The following LRRIQ1 variants were observed in gnomAD, a reference collection of about 807,000 sequenced individuals.
The protein encoded by LRRIQ1 is leucine rich repeats and IQ motif containing 1, also known as leucine-rich repeat- and IQ domain-containing protein 1.
Under a neutral mutation model 211.9 loss-of-function variants are expected in LRRIQ1, and 210 were observed. The observed-to-expected ratio is 0.99, with a 90% confidence interval of 0.89 to 1.11. The LOEUF (loss-of-function observed/expected upper bound fraction) is 1.11. Among genes scored for constraint, LRRIQ1 ranks in the 50% most tolerant of loss-of-function variants. The pLI is 0.00. For synonymous variants in LRRIQ1, 699 were observed against 650.1 expected, an observed-to-expected ratio of 1.08 and a Z score of -1.14; for missense variants, 2,136 against 1,939.5, an observed-to-expected ratio of 1.10 and a Z score of -1.90.
chr12:85,197,940 T>C (rs1893034281), intron 24 of LRRIQ1, among the ~76,000 whole-genome samples: 1 of 108,480 alleles, frequency 9.2e-6, no homozygotes, highest in Non-Finnish European at 1.8e-5. Context: ...TAATTATATA[T>C]ATTTATATAT....
intron 24 of LRRIQ1, among the ~76,000 whole-genome samples, chr12:85,170,625 T>G (rs1050356858): frequency 1.3e-5 from 2 of 151,642 alleles, no homozygotes; most frequent in African/African-American, 4.8e-5. Flanking sequence ...TCTTAGAGTT[T>G]TTTGAAATGG....
chr12:85,124,766 G>C (rs1888251889), intron 17 of LRRIQ1: 1 of 366,956 alleles, frequency 2.7e-6, no homozygotes, highest in African/African-American at 2.1e-5. Flanking sequence ...GTAAATGTGA[G>C]TTTTTTTCTG....
At chr12:85,251,868 TCGA>T (rs910528053) in intron 1 of LRRIQ1, among the ~76,000 whole-genome samples, 1 of 151,536 alleles carries the variant, frequency 6.6e-6, no homozygotes, top group African/African-American at 2.4e-5. Flanking sequence ...AACTTTGTAG[TCGA>T]CAATTTCCCA....
At position 85,153,134 on chromosome 12, in the gene LRRIQ1, A is replaced by G. The variant is rs780029875; in HGVS notation, c.4530A>G (p.Gln1510=). ...KENLSSSEHT[Q]FNSRSENKTS... ...ATTTGTCTTCTTCAGAACACACACA[A>G]TTTAATAGCAGGTAAGCTAAACTAT... The change falls in exon 21 of 27, where the codon CAA becomes CAG. Residue 1510 remains glutamine (Q), a synonymous_variant. Coordinates refer to ENST00000393217, the MANE Select transcript of LRRIQ1 (RefSeq NM_001079910.2). 7.6e-6 allele frequency: 12 copies of G among 1,585,628 alleles called. No individual in the cohort carries two copies. The Admixed American group carries it at 1.2e-4, about 16-fold the overall frequency.
At chr12:85,216,633 A>T (rs1032264851) in intron 24 of LRRIQ1, among the ~76,000 whole-genome samples, 1 of 151,882 alleles carries the variant, frequency 6.6e-6, no homozygotes, top group Non-Finnish European at 1.5e-5. Context: ...TTCAAAAATT[A>T]ATATTTACAT....
chr12:85,149,327 A>G (rs1890091426), intron 19 of LRRIQ1, among the ~76,000 whole-genome samples: 1 of 151,840 alleles, frequency 6.6e-6, no homozygotes, highest in Non-Finnish European at 1.5e-5. Flanking sequence ...TAGTTTTTGT[A>G]TAAGGTGTAA....
chr12:85,229,407 T>A, intron 24 of LRRIQ1, 110 bp from the exon 25 acceptor site: 1 of 813,724 alleles, frequency 1.2e-6, no homozygotes, highest in Non-Finnish European at 1.9e-6. Flanking sequence ...CTCTCATAAG[T>A]TAGTATTTTT....
chr12:85,209,761 T>C (rs772449668), intron 24 of LRRIQ1, among the ~76,000 whole-genome samples: 19 of 152,114 alleles, frequency 1.2e-4, no homozygotes, highest in Non-Finnish European at 1.5e-4. Context: ...AAAAAAAATA[T>C]TATCTAGGGA....
intron 3 of LRRIQ1, among the ~76,000 whole-genome samples, 173 bp downstream of exon 3, chr12:85,040,774 A>G (rs1878785828): frequency 2.7e-5 from 4 of 148,408 alleles, no homozygotes; most frequent in Non-Finnish European, 6.0e-5. Flanking sequence ...TAGTTCATTC[A>G]TTTTTTTTTT....
In LRRIQ1 at chr12:85,104,091, AAT is replaced by A. The variant is rs774346643; in HGVS notation, c.3283+23_3283+24del. The stretch of plus-strand genomic sequence containing the variant: ...ATTGTCTTTCTGGTAAGTTTAGCAT[AAT>A]ATATATATTTTAATAATAGACTTTT... On this transcript the variant is annotated intron_variant, in intron 14 of 26. Coordinates refer to ENST00000393217, the MANE Select transcript of LRRIQ1 (RefSeq NM_001079910.2). 62 of 1,327,636 alleles carry A rather than the reference AAT, an allele frequency of 4.7e-5. No homozygotes were observed. In the African/African-American group the frequency reaches 9.0e-4, roughly 19 times the overall value. 82.2% of individuals were successfully genotyped at this position (1,327,636 alleles called of 1,614,324 possible).
At chr12:85,205,931 G>C (rs1893521923) in intron 24 of LRRIQ1, among the ~76,000 whole-genome samples, 1 of 152,134 alleles carries the variant, frequency 6.6e-6, no homozygotes, top group Non-Finnish European at 1.5e-5. Flanking sequence ...TTCTTGGAGA[G>C]AGTTTTTTAT....
chr12:85,135,634 A>G (rs1199192168), intron 18 of LRRIQ1, among the ~76,000 whole-genome samples: 1 of 111,940 alleles, frequency 8.9e-6, no homozygotes, highest in East Asian at 2.5e-4. Context: ...GAGGTCTCCT[A>G]GCATTCTCCA....
intron 3 of LRRIQ1, among the ~76,000 whole-genome samples, chr12:85,041,963 G>A (rs1021768001): frequency 2.0e-5 from 3 of 151,790 alleles, no homozygotes; most frequent in African/African-American, 4.8e-5. Flanking sequence ...ATTTTGTCCC[G>A]AACACCAGCA....
chr12:85,124,257 T>G lies in LRRIQ1; in HGVS notation c.3745T>G (p.Phe1249Val). ...NSDSTLQNGV[F>V]YSCAREGEPD... The stretch of plus-strand genomic sequence containing the variant: ...TGACAGCACTCTGCAAAATGGAGTC[T>G]TCTACTCTTGTGCACGTGAAGGTGA... Residue 1249 changes from phenylalanine to valine, a missense_variant, in exon 17 of 27, where the codon TTC becomes GTC. Physicochemically the swap from Phe to Val is conservative, Grantham distance 50 (BLOSUM62 -1). Coordinates refer to ENST00000393217, the MANE Select transcript of LRRIQ1 (RefSeq NM_001079910.2). 6.2e-7 allele frequency: 1 copy of G among 1,614,128 alleles called. No homozygotes were observed. The highest frequency in any genetic ancestry group is 1.1e-5 in the South Asian group (1 of 91,082).
At position 85,066,730 on chromosome 12, in the gene LRRIQ1, AT is replaced by A. The variant is rs1317411672; in HGVS notation, c.2545-15del. 3 of 1,576,980 alleles carry A rather than the reference AT, an allele frequency of 1.9e-6. No individual in the cohort carries two copies. Among genetic ancestry groups the A allele is most frequent in the Non-Finnish European group, 2.6e-6 (3 of 1,165,078 alleles). ...AAGCCATTGAAATAAAACTAATTAC[AT>A]TTGTTCTTTGCTTCAGGAAAACCAT... is the stretch of plus-strand genomic sequence containing the variant. On this transcript the variant is annotated splice_polypyrimidine_tract_variant and intron_variant, in intron 9 of 26. Coordinates refer to ENST00000393217, the MANE Select transcript of LRRIQ1 (RefSeq NM_001079910.2).
intron 15 of LRRIQ1, among the ~76,000 whole-genome samples, chr12:85,116,970 G>T (rs1220500546): frequency 1.3e-5 from 2 of 151,558 alleles, no homozygotes; most frequent in Non-Finnish European, 2.9e-5. Flanking sequence ...AGTCATTTAG[G>T]TTGATTCCAT....
chr12:85,087,065 G>T (rs1194960479), intron 11 of LRRIQ1, among the ~76,000 whole-genome samples: 1 of 151,808 alleles, frequency 6.6e-6, no homozygotes, highest in Non-Finnish European at 1.5e-5. Context: ...TTTACATTAG[G>T]TATATCTCCT....
intron 24 of LRRIQ1, among the ~76,000 whole-genome samples, chr12:85,172,933 C>T (rs994065762): frequency 6.6e-6 from 1 of 151,500 alleles, no homozygotes; most frequent in African/African-American, 2.4e-5. Flanking sequence ...ATGGTGAAAC[C>T]CCATCTCTAC....
intron 24 of LRRIQ1, among the ~76,000 whole-genome samples, chr12:85,161,147 A>G (rs1358039605): frequency 6.6e-6 from 1 of 152,094 alleles, no homozygotes; most frequent in East Asian, 1.9e-4. Context: ...ATTTTACAAT[A>G]TTTGAAGTTT....
Sources: gnomAD v4.1 joint callset for allele counts (sites outside exome capture counted in the v4.1 genomes callset) on GRCh38, gnomAD v4.1.1 for gene constraint, MANE v1.5 for transcripts, NCBI Gene and HGNC (gene_info 2026-07-23, HGNC 2026-07-21) for gene names.